Variants in CDK19 observed in about 807,000 individuals in gnomAD.
CDK19 encodes the protein cyclin dependent kinase 19.
In CDK19, 20 loss-of-function variants were observed where a neutral mutation model predicts 68.3. The observed-to-expected ratio is 0.29, with a 90% CI of 0.21 to 0.43. The LOEUF (loss-of-function observed/expected upper bound fraction) is 0.43, where lower values mean the gene tolerates loss of function less well. Ranked by LOEUF, CDK19 falls within the 20% of genes least tolerant of loss-of-function variation. The probability of loss-of-function intolerance (pLI) is 1.00; values close to 1 mark genes in which losing one functional copy is unlikely to be tolerated. For synonymous variants in CDK19, 221 were observed against 222.8 expected (o/e 0.99, Z 0.07); for missense variants, 339 against 623.5 (o/e 0.54, Z 4.86).
At position 110,724,137 on chromosome 6, in the gene CDK19, T is replaced by C. The variant is rs192827229; in HGVS notation, c.204+21989A>G. Among the ~76,000 whole-genome samples, 1,035 of 152,164 alleles carry C rather than the reference T, an allele frequency of 6.8e-3. 50 individuals are homozygous for C. The highest frequency in any genetic ancestry group is 0.063 in the Admixed American group (966 of 15,280). ...GGGAGGCCGAGGCGGGTGGATCACC[T>C]GAGGGCAGGAGTTCGAGACCAGCCT... is the stretch of plus-strand genomic sequence containing the variant. On this transcript the variant is annotated intron_variant, in intron 2 of 12. Transcript: ENST00000368911.
chr6:110,685,025 C>G (rs562858226), intron 2 of CDK19, among the ~76,000 whole-genome samples: 3 of 152,286 alleles, frequency 2.0e-5, no homozygotes, highest in African/African-American at 7.2e-5. Flanking sequence ...GTAGTCCCAG[C>G]TACCCAAGAG....
intron 2 of CDK19, among the ~76,000 whole-genome samples, chr6:110,689,296 C>A (rs150266617): frequency 1.1e-4 from 17 of 152,106 alleles, no homozygotes; most frequent in Admixed American, 3.3e-4. Context: ...ACTGAGCCCC[C>A]ACCTGGCTTT....
At chr6:110,623,127 A>G (rs1778818388) in intron 9 of CDK19, among the ~76,000 whole-genome samples, 163 bp downstream of exon 9, 1 of 152,236 alleles carries the variant, frequency 6.6e-6, no homozygotes, top group Non-Finnish European at 1.5e-5. Flanking sequence ...AATCATTTAA[A>G]GTGAAGGCTG....
intron 1 of CDK19, among the ~76,000 whole-genome samples, chr6:110,753,330 T>G (rs916986185): frequency 6.6e-6 from 1 of 152,112 alleles, no homozygotes; most frequent in Non-Finnish European, 1.5e-5. Flanking sequence ...TCTAAAATTA[T>G]AAAATTTTAG....
chr6:110,698,987 G>A (rs568260325), intron 2 of CDK19, among the ~76,000 whole-genome samples: 7 of 149,306 alleles, frequency 4.7e-5, no homozygotes, highest in South Asian at 2.1e-4. Flanking sequence ...CCAGGAGGTC[G>A]AGGCTGCAGT....
chr6:110,660,983 G>C (rs909816322), intron 4 of CDK19, among the ~76,000 whole-genome samples: 7 of 152,166 alleles, frequency 4.6e-5, no homozygotes, highest in South Asian at 2.1e-4. Context: ...TCAATAGGTA[G>C]CTTCAGACAT....
At chr6:110,623,241 C>A in intron 9 of CDK19, 49 bp downstream of exon 9, 1 of 1,466,320 alleles carries the variant, frequency 6.8e-7, no homozygotes, top group Non-Finnish European at 9.5e-7. Context: ...AAATAGAAGG[C>A]GAGATTTGTG....
chr6:110,646,372 G>A, intron 4 of CDK19: 1 of 1,469,402 alleles, frequency 6.8e-7, no homozygotes, highest in East Asian at 2.5e-5. Flanking sequence ...GTGGGCGACA[G>A]CGCCAACGAC....
rs77438579 is a variant in CDK19 at position 110,671,013 on chromosome 6, A to G, written c.205-472T>C. Among the ~76,000 whole-genome samples the G allele has an allele frequency of 7.8e-3, 1,193 of 152,286 alleles. 25 individuals are homozygous for G. Among genetic ancestry groups the G allele is most frequent in the African/African-American group, 0.027 (1,141 of 41,544 alleles). ...TATTGGTGCTCAAGAAACAGGCGAC[A>G]AAACAAGGAAAGATATTTAACAATC... On this transcript the variant is annotated intron_variant, in intron 2 of 12. Transcript: ENST00000368911.
intron 1 of CDK19, among the ~76,000 whole-genome samples, chr6:110,774,563 A>C (rs1381477150): frequency 6.6e-6 from 1 of 152,238 alleles, no homozygotes; most frequent in Non-Finnish European, 1.5e-5. Context: ...TTATTTCTGG[A>C]ATTTTCCATT....
intron 1 of CDK19, among the ~76,000 whole-genome samples, chr6:110,757,911 C>T (rs1778942450): frequency 6.6e-6 from 1 of 152,118 alleles, no homozygotes; most frequent in East Asian, 1.9e-4. Context: ...AAAGAGAAGG[C>T]CGAGTATGGT....
At chr6:110,735,263 A>G (rs1777160410) in intron 2 of CDK19, among the ~76,000 whole-genome samples, 2 of 152,120 alleles carry the variant, frequency 1.3e-5, no homozygotes, top group African/African-American at 4.8e-5. Flanking sequence ...TTTTAATTTT[A>G]TATTTCAAAT....
intron 4 of CDK19, among the ~76,000 whole-genome samples, chr6:110,664,702 C>T (rs1781814803): frequency 6.6e-6 from 1 of 152,122 alleles, no homozygotes; most frequent in Admixed American, 6.6e-5. Flanking sequence ...AAGAAGTTCA[C>T]AGGCTACGAG....
At chr6:110,803,943 T>A (rs1583140039) in intron 1 of CDK19, among the ~76,000 whole-genome samples, 1 of 151,774 alleles carries the variant, frequency 6.6e-6, no homozygotes, top group Non-Finnish European at 1.5e-5. Context: ...TCAGCCTGGG[T>A]GACAAGAGCA....
intron 12 of CDK19, among the ~76,000 whole-genome samples, chr6:110,616,719 C>G (rs897801575): frequency 2.0e-5 from 3 of 151,006 alleles, no homozygotes; most frequent in Admixed American, 6.6e-5. Context: ...CTAAGTTGCA[C>G]AACTGAATAG....
intron 2 of CDK19, among the ~76,000 whole-genome samples, chr6:110,698,327 TA>T (rs1328535635): frequency 6.7e-6 from 1 of 150,276 alleles, no homozygotes; most frequent in East Asian, 2.0e-4. Flanking sequence ...AAAAAACAAA[TA>T]ATTCCATCAA....
chr6:110,804,719 GC>G (rs1782559789), intron 1 of CDK19, among the ~76,000 whole-genome samples: 1 of 148,216 alleles, frequency 6.7e-6, no homozygotes, highest in African/African-American at 2.5e-5. Flanking sequence ...ACTTTGGGAG[GC>G]CGAGGCGGGC....
At chr6:110,655,057 T>G (rs1003394050) in intron 4 of CDK19, among the ~76,000 whole-genome samples, 1 of 152,016 alleles carries the variant, frequency 6.6e-6, no homozygotes, top group Admixed American at 6.6e-5. Flanking sequence ...TTATTTTACT[T>G]TATTCTGGGG....
At position 110,815,165 on chromosome 6, in the gene CDK19, C is replaced by A. The variant is rs1432658021; in HGVS notation, c.-29G>T. The A allele has an allele frequency of 1.3e-6, 2 of 1,554,776 alleles. No homozygotes were observed. Among genetic ancestry groups the A allele is most frequent in the African/African-American group, 2.8e-5 (2 of 70,288 alleles). On this transcript the variant is annotated 5_prime_UTR_variant, in exon 1 of 13. Coordinates refer to ENST00000368911, the MANE Select transcript of CDK19 (RefSeq NM_015076.5). ...CTGCTTCCCCCATAGAGGCACGGGA[C>A]GCGGGGGCCGCCGCCGCTCAGTCCC...
Sources: gnomAD v4.1 joint callset for allele counts (sites outside exome capture counted in the v4.1 genomes callset) on GRCh38, gnomAD v4.1.1 for gene constraint, MANE v1.5 for transcripts, NCBI Gene and HGNC (gene_info 2026-07-23, HGNC 2026-07-21) for gene names.